The following CACNG5 variants were observed in gnomAD, a reference collection of about 807,000 sequenced individuals.
The protein encoded by CACNG5 is calcium voltage-gated channel auxiliary subunit gamma 5.
CACNG5 carries 18 observed loss-of-function variants against 24.8 expected under a neutral mutation model. The observed-to-expected ratio is 0.73, with a 90% CI of 0.50 to 1.08. The LOEUF (loss-of-function observed/expected upper bound fraction) is 1.08. Ranked by LOEUF, CACNG5 falls within the 50% of genes least tolerant of loss-of-function variation. The pLI is 0.00. For synonymous variants in CACNG5, 157 were observed against 149.1 expected, an observed-to-expected ratio of 1.05 and a Z score of -0.39; for missense variants, 349 against 367.9, an observed-to-expected ratio of 0.95 and a Z score of 0.42.
intron 4 of CACNG5, among the ~76,000 whole-genome samples, chr17:66,883,217 T>G (rs1977189968): frequency 6.6e-6 from 1 of 152,180 alleles, no homozygotes; most frequent in Non-Finnish European, 1.5e-5. Flanking sequence ...AGCTTTTTAT[T>G]TTTCCTTCTG....
chr17:66,864,961 T>C (rs1323692614), intron 1 of CACNG5, among the ~76,000 whole-genome samples: 1 of 152,218 alleles, frequency 6.6e-6, no homozygotes, highest in African/African-American at 2.4e-5. Context: ...GAGGTCTCAC[T>C]ATGTTGCCCA....
At position 66,886,651 on chromosome 17, in the gene CACNG5, G is replaced by A. The variant is rs1465135891; in HGVS notation, c.*1411G>A. 2.0e-5 allele frequency among the ~76,000 whole-genome samples: 3 copies of A among 152,230 alleles called. No individual in the cohort carries two copies. The highest frequency in any genetic ancestry group is 4.4e-5 in the Non-Finnish European group (3 of 68,042). On this transcript the variant is annotated 3_prime_UTR_variant, in exon 6 of 6. Coordinates refer to ENST00000533854, the MANE Select transcript of CACNG5 (RefSeq NM_145811.3). ...CGCCGCTAGGTTCTGAGAACAGAAA[G>A]CCATGGTGGCGACACGTGGGCTCCA...
At chr17:66,867,538 C>A (rs1339569450) in intron 1 of CACNG5, among the ~76,000 whole-genome samples, 1 of 152,174 alleles carries the variant, frequency 6.6e-6, no homozygotes. Flanking sequence ...ATCATAAAAT[C>A]TTTGCCCATG....
chr17:66,893,308 A>G lies in CACNG5; in HGVS notation c.*8068A>G, dbSNP rs145605133. Among the ~76,000 whole-genome samples the G allele has an allele frequency of 2.5e-3, 379 of 152,314 alleles. 2 individuals carry two copies. Among genetic ancestry groups the G allele is most frequent in the African/African-American group, 8.8e-3 (366 of 41,562 alleles). ...TGGGGGAAGGAAAGGTCTAAATGCA[A>G]ACAACGGTGATGTGTCGTTTCCTGA... On this transcript the variant is annotated 3_prime_UTR_variant, in exon 6 of 6. Coordinates refer to ENST00000533854, the MANE Select transcript of CACNG5 (RefSeq NM_145811.3).
At position 66,890,086 on chromosome 17, in the gene CACNG5, G is replaced by T. The variant is rs1020479514; in HGVS notation, c.*4846G>T. Among the ~76,000 whole-genome samples the T allele has an allele frequency of 6.6e-6, 1 of 152,298 alleles. No individual in the cohort carries two copies. The highest frequency in any genetic ancestry group is 2.1e-4 in the South Asian group (1 of 4,822). ...CTCAGTGAACCACTTTCATATGCTC[G>T]TGTGACACTTGGAAGTTAACCTGCC... On this transcript the variant is annotated 3_prime_UTR_variant, in exon 6 of 6. Transcript: ENST00000533854.
intron 2 of CACNG5, among the ~76,000 whole-genome samples, chr17:66,878,464 T>C (rs1382442642): frequency 1.3e-5 from 2 of 152,248 alleles, no homozygotes; most frequent in African/African-American, 2.4e-5. Flanking sequence ...GAGTCTGCCA[T>C]GTGAATGACA....
chr17:66,884,364 A>G, intron 4 of CACNG5, 152 bp from the exon 5 acceptor site: 1 of 751,330 alleles, frequency 1.3e-6, no homozygotes. Context: ...GCTTGGGAGG[A>G]AAGTTTCTGC....
At chr17:66,844,258 G>T (rs1976606870) in intron 1 of CACNG5, among the ~76,000 whole-genome samples, 1 of 152,196 alleles carries the variant, frequency 6.6e-6, no homozygotes, top group Admixed American at 6.5e-5. Flanking sequence ...GCATTAGCTT[G>T]GGAATTCAAA....
chr17:66,885,055 G>A lies in CACNG5; in HGVS notation c.643G>A (p.Gly215Ser), dbSNP rs539776630. Residue 215 changes from glycine to serine, a missense_variant, in exon 6 of 6, where the codon GGC (glycine) becomes AGC (serine). Transcript: ENST00000533854. ...TAEDMYRPHPGFYRPRLSNCS... is the reference protein window; with the variant it reads ...TAEDMYRPHPSFYRPRLSNCS... ...GGAGGACATGTACAGGCCCCACCCT[G>A]GCTTCTACCGCCCTCGGCTGAGCAA... is the stretch of plus-strand genomic sequence containing the variant. The A allele has an allele frequency of 6.2e-7, 1 of 1,614,194 alleles. No individual in the cohort carries two copies. Among genetic ancestry groups the A allele is most frequent in the African/African-American group, 1.3e-5 (1 of 75,040 alleles).
chr17:66,850,043 A>G (rs985113035), intron 1 of CACNG5, among the ~76,000 whole-genome samples: 3 of 152,216 alleles, frequency 2.0e-5, no homozygotes, highest in Non-Finnish European at 4.4e-5. Flanking sequence ...CCTGGAGCCA[A>G]GTTCAGCAGA....
intron 1 of CACNG5, among the ~76,000 whole-genome samples, chr17:66,839,185 C>T (rs2144494751): frequency 6.6e-6 from 1 of 152,006 alleles, no homozygotes; most frequent in South Asian, 2.1e-4. Flanking sequence ...TGTTCTCAAT[C>T]TCCTGAACTT....
chr17:66,891,063 T>A lies in CACNG5; in HGVS notation c.*5823T>A, dbSNP rs1977336716. Among the ~76,000 whole-genome samples the A allele has an allele frequency of 6.6e-6, 1 of 152,154 alleles. No homozygotes were observed. Among genetic ancestry groups the A allele is most frequent in the Admixed American group, 6.5e-5 (1 of 15,284 alleles). Reference sequence around the variant, plus strand: ...TCTGCTGCCTTTATCCACGAGTGGGTAGCAAGATGGCAACAGTGATTCCAA... The same window carrying A: ...TCTGCTGCCTTTATCCACGAGTGGGAAGCAAGATGGCAACAGTGATTCCAA... On this transcript the variant is annotated 3_prime_UTR_variant, in exon 6 of 6. Transcript: ENST00000533854.
chr17:66,839,675 G>A (rs545611180), intron 1 of CACNG5, among the ~76,000 whole-genome samples: 2,787 of 143,250 alleles, frequency 0.019, 98 homozygotes, highest in African/African-American at 0.068. Flanking sequence ...ATGGAGGGGG[G>A]TCAGTGAGTC....
chr17:66,879,120 G>A, intron 3 of CACNG5, 62 bp downstream of exon 3: 2 of 1,243,672 alleles, frequency 1.6e-6, no homozygotes, highest in Non-Finnish European at 2.4e-6. Context: ...AAGGCAGAGG[G>A]AAGAGTCAGT....
In CACNG5 at chr17:66,890,265, G is replaced by A. The variant is rs1977324155; in HGVS notation, c.*5025G>A. ...TGCTCCAGTGTGCCATAGAAGAGAC[G>A]AGGCTCAGTGGTCACCACTACAGGG... On this transcript the variant is annotated 3_prime_UTR_variant, in exon 6 of 6. Coordinates refer to ENST00000533854, the MANE Select transcript of CACNG5 (RefSeq NM_145811.3). Among the ~76,000 whole-genome samples the A allele has an allele frequency of 6.6e-6, 1 of 152,190 alleles. No homozygotes were observed. Among genetic ancestry groups the A allele is most frequent in the African/African-American group, 2.4e-5 (1 of 41,458 alleles).
intron 1 of CACNG5, among the ~76,000 whole-genome samples, chr17:66,835,826 G>A (rs1230201756): frequency 2.6e-5 from 4 of 152,106 alleles, no homozygotes; most frequent in Non-Finnish European, 5.9e-5. Flanking sequence ...GGGGTGATCA[G>A]GGTGGTGCTA....
intron 4 of CACNG5, among the ~76,000 whole-genome samples, chr17:66,881,520 T>C (rs1205530891): frequency 6.6e-6 from 1 of 152,248 alleles, no homozygotes; most frequent in African/African-American, 2.4e-5. Flanking sequence ...CCTGGACTGA[T>C]GCCAGGTTGT....
intron 1 of CACNG5, among the ~76,000 whole-genome samples, chr17:66,852,874 T>A (rs1262406324): frequency 7.0e-6 from 1 of 143,380 alleles, no homozygotes; most frequent in Non-Finnish European, 1.5e-5. Flanking sequence ...TTCCTCTCTC[T>A]TTCTCTCTCT....
intron 1 of CACNG5, among the ~76,000 whole-genome samples, chr17:66,865,731 G>T (rs1227149405): frequency 4.0e-5 from 6 of 150,784 alleles, no homozygotes; most frequent in African/African-American, 7.3e-5. Flanking sequence ...CTGGGTTCAT[G>T]CCATTCTCCT....
Sources: gnomAD v4.1 joint callset for allele counts (sites outside exome capture counted in the v4.1 genomes callset) on GRCh38, gnomAD v4.1.1 for gene constraint, MANE v1.5 for transcripts, NCBI Gene and HGNC (gene_info 2026-07-23, HGNC 2026-07-21) for gene names.